The following RNF123 variants were observed in gnomAD, a reference collection of about 807,000 sequenced individuals.
RNF123 encodes the protein E3 ubiquitin-protein ligase RNF123.
Under a neutral mutation model 168.5 loss-of-function variants are expected in RNF123, and 86 were observed. The observed-to-expected ratio is 0.51, with a 90% CI of 0.43 to 0.61. The LOEUF is 0.61. RNF123 is among the 20% of genes least tolerant of loss of function. RNF123 has a pLI of 0.00. For synonymous variants in RNF123, 666 were observed against 689.1 expected (o/e 0.97, Z 0.52); for missense variants, 1,419 against 1,729.7 (o/e 0.82, Z 3.19).
chr3:49,704,659 C>T lies in RNF123; in HGVS notation c.1862C>T (p.Ala621Val), dbSNP rs1253808128. The T allele has an allele frequency of 6.2e-7, 1 of 1,609,484 alleles. No homozygotes were observed. The highest frequency in any genetic ancestry group is 8.5e-7 in the Non-Finnish European group (1 of 1,177,968). Residue 621 changes from alanine (A) to valine (V), a missense_variant, in exon 22 of 39, where the codon GCT becomes GTT. Ala to Val is a moderately conservative substitution (Grantham distance 64). Transcript: ENST00000327697. ...CTGCTCTTCCTCCCAGATGACCTTG[C>T]TTCCAAAGCCAACATTGTGATCGAC... is the stretch of plus-strand genomic sequence containing the variant. ...HLRKTLKDDL[A>V]SKANIVIDPL...
intron 3 of RNF123, among the ~76,000 whole-genome samples, chr3:49,695,506 T>G (rs2054251285): frequency 6.6e-6 from 1 of 152,200 alleles, no homozygotes; most frequent in South Asian, 2.1e-4. Context: ...CCCGACTGCA[T>G]AGCCACCACC....
rs768970044 is a variant in RNF123 at position 49,712,581 on chromosome 3, C to T, written c.2599C>T (p.Leu867=). The T allele has an allele frequency of 6.2e-7, 1 of 1,614,096 alleles. No individual in the cohort carries two copies. Residue 867 remains leucine (L), a synonymous_variant, in exon 27 of 39, where the codon CTG becomes TTG. Transcript: ENST00000327697. The part of the protein sequence containing the change: ...SLFAFMPEFY[L]SVAINSYSAL... ...CTTTGCCTTCATGCCCGAGTTCTACCTGAGCGTGGCCATCAACAGCTACAG... is the reference window on the plus strand; with the variant it reads ...CTTTGCCTTCATGCCCGAGTTCTACTTGAGCGTGGCCATCAACAGCTACAG...
rs1400398552 is a variant in RNF123, at chr3:49,701,609, G to T, written c.1395+1G>T. 6.2e-7 allele frequency: 1 copy of T among 1,611,142 alleles called. No individual in the cohort carries two copies. ...GTGGCCCCACTGCTCCAGTAGGGAG[G>T]TGAGTGCACCCCAAGTGGGATGGGC... is the stretch of plus-strand genomic sequence containing the variant. On this transcript the variant is annotated splice_donor_variant, in intron 16 of 38. Transcript: ENST00000327697. LOFTEE classifies it high-confidence loss of function.
In RNF123 at chr3:49,706,901, G is replaced by A. The variant is rs1430041583; in HGVS notation, c.2496+3G>A. The A allele has an allele frequency of 1.2e-6, 2 of 1,612,844 alleles. No individual in the cohort carries two copies. On this transcript the variant is annotated splice_donor_region_variant and intron_variant, in intron 26 of 38. Transcript: ENST00000327697. ...TCCATGCCACTGTCTACTCCCAGGT[G>A]TGCTGGTATTGCAGCTGCCCCTTCC...
chr3:49,700,048 GTGGGGCAATGGCCTTCT>G (rs2054347183), intron 12 of RNF123, 162 bp from the exon 13 acceptor site: 1 of 837,602 alleles, frequency 1.2e-6, no homozygotes, highest in African/African-American at 1.7e-5. Flanking sequence ...TAGAGGAGCC[GTGGGGCAATGGCCTTCT>G]TGTCCCTCAG....
chr3:49,713,046 C>T (rs1575536839), intron 27 of RNF123: 6 of 653,082 alleles, frequency 9.2e-6, no homozygotes, highest in Non-Finnish European at 1.4e-5. Flanking sequence ...TGGTAAATCA[C>T]AGCAGGGGGT....
In RNF123 at chr3:49,701,548, G is replaced by T. The variant is rs745623017; in HGVS notation, c.1335G>T (p.Glu445Asp). Residue 445 changes from glutamate (E) to aspartate (D), a missense_variant, in exon 16 of 39, where the codon GAG (glutamate) becomes GAT (aspartate). Coordinates refer to ENST00000327697, the MANE Select transcript of RNF123 (RefSeq NM_022064.5). Reference sequence around the variant, plus strand: ...ACATCAAGAGCCCCCTGCGTGTGGAGGAGGCCGGCCTGCAGGAGCTCATTC... The same window carrying T: ...ACATCAAGAGCCCCCTGCGTGTGGATGAGGCCGGCCTGCAGGAGCTCATTC... ...FFYIKSPLRVEEAGLQELIPT... is the reference protein window; with the variant it reads ...FFYIKSPLRVDEAGLQELIPT... 11 of 1,613,704 alleles carry T rather than the reference G, an allele frequency of 6.8e-6. No individual in the cohort carries two copies. In the East Asian group the frequency reaches 2.2e-4, roughly 33 times the overall value.
Position 49,705,535 on chromosome 3 carries a change from T to C in RNF123, c.2160T>C (p.Ile720=), listed in dbSNP as rs967485182. 7 of 1,590,210 alleles carry C rather than the reference T, an allele frequency of 4.4e-6. No homozygotes were observed. Among genetic ancestry groups the C allele is most frequent in the Non-Finnish European group, 6.0e-6 (7 of 1,168,872 alleles). Residue 720 remains isoleucine, a splice_region_variant and synonymous_variant, in exon 24 of 39, where the codon ATT becomes ATC. Transcript: ENST00000327697. The part of the protein sequence containing the change: ...LSVEQRTRED[I]EGSHWNEGLL... ...ACCCTTCCCTCCCCAACTCCCCAGTTGAAGGCAGCCACTGGAATGAGGGCT... is the reference window on the plus strand; with the variant it reads ...ACCCTTCCCTCCCCAACTCCCCAGTCGAAGGCAGCCACTGGAATGAGGGCT...
chr3:49,717,551 G>T, intron 35 of RNF123: 1 of 243,558 alleles, frequency 4.1e-6, no homozygotes, highest in South Asian at 5.4e-5. Context: ...AGCCCCTGAG[G>T]GTGGACGGGA....
At chr3:49,705,462 C>T (rs2108189536) in intron 23 of RNF123, 72 bp from the exon 24 acceptor site, 1 of 1,523,268 alleles carries the variant, frequency 6.6e-7, no homozygotes, top group African/African-American at 1.4e-5. Flanking sequence ...ATGATTTCCT[C>T]TCCTGCTGTG....
rs1447613124 is a variant in RNF123, at chr3:49,698,048, C to T, written c.398-4C>T. On this transcript the variant is annotated splice_region_variant and splice_polypyrimidine_tract_variant and intron_variant, in intron 6 of 38. Coordinates refer to ENST00000327697, the MANE Select transcript of RNF123 (RefSeq NM_022064.5). ...CCTCGTGGCCCTAACTCAGCTCTTT[C>T]CAGGGAAATGGCTCTACGAGGTCCT... 6.2e-7 allele frequency: 1 copy of T among 1,614,040 alleles called. No homozygotes were observed. The highest frequency in any genetic ancestry group is 8.5e-7 in the Non-Finnish European group (1 of 1,179,948).
Position 49,704,669 on chromosome 3 carries a change from CA to C in RNF123, c.1874del (p.Asn625ThrfsTer3). Reference sequence around the variant, plus strand: ...TCCCAGATGACCTTGCTTCCAAAGCCAACATTGTGATCGACCCACTGGAGCT... The same window carrying C: ...TCCCAGATGACCTTGCTTCCAAAGCCACATTGTGATCGACCCACTGGAGCT... ...TLKDDLASKANIVIDPLELQS... is the reference protein window; with the variant it reads ...TLKDDLASKAXIVIDPLELQS... On this transcript the variant is annotated frameshift_variant, in exon 22 of 39. Transcript: ENST00000327697. LOFTEE classifies it high-confidence loss of function. 1 of 1,609,942 alleles carries C rather than the reference CA, an allele frequency of 6.2e-7. No homozygotes were observed. Among genetic ancestry groups the C allele is most frequent in the South Asian group, 1.1e-5 (1 of 90,186 alleles).
chr3:49,700,211 C>G lies in RNF123; in HGVS notation c.985-16C>G. On this transcript the variant is annotated splice_polypyrimidine_tract_variant and intron_variant, in intron 12 of 38. Transcript: ENST00000327697. The stretch of plus-strand genomic sequence containing the variant: ...GTGGAAGGCCACCACCTCACCAGTG[C>G]CTGGCCTTGGTGCAGCGCAAGGTGT... 6.2e-7 allele frequency: 1 copy of G among 1,613,794 alleles called. No individual in the cohort carries two copies. Among genetic ancestry groups the G allele is most frequent in the South Asian group, 1.1e-5 (1 of 91,042 alleles).
At chr3:49,701,790 C>A in intron 16 of RNF123, 21 bp from the exon 17 acceptor site, 1 of 1,560,312 alleles carries the variant, frequency 6.4e-7, no homozygotes, top group African/African-American at 1.3e-5. Context: ...CTGCTGTATT[C>A]CACCTGCTAC....
chr3:49,697,870 C>T lies in RNF123; in HGVS notation c.343-15C>T, dbSNP rs756485274. The T allele has an allele frequency of 2.5e-6, 4 of 1,614,166 alleles. No individual in the cohort carries two copies. The highest frequency in any genetic ancestry group is 2.2e-5 in the East Asian group (1 of 44,890). On this transcript the variant is annotated splice_polypyrimidine_tract_variant and intron_variant, in intron 5 of 38. Transcript: ENST00000327697. Reference sequence around the variant, plus strand: ...GTGCCTGGGAGCTAGCCCACCACCCCTCTTCTTCACCCAGGTGATTGGACA... The same window carrying T: ...GTGCCTGGGAGCTAGCCCACCACCCTTCTTCTTCACCCAGGTGATTGGACA...
In RNF123 at chr3:49,691,072, G is replaced by A. The variant is rs191284657; in HGVS notation, c.-36-58G>A. The A allele has an allele frequency of 1.9e-3, 1,959 of 1,024,086 alleles. 17 individuals are homozygous for A. The highest frequency in any genetic ancestry group is 5.3e-3 in the East Asian group (221 of 41,726). The allele number at this position is 1,024,086 out of a possible 1,614,324, so 63.4% of individuals were successfully genotyped here. ...AGCCTTCCTGCCATGGCAGGACTGAGGTCAGGTGTGGGGGCCCCTGGCTGG... is the reference window on the plus strand; with the variant it reads ...AGCCTTCCTGCCATGGCAGGACTGAAGTCAGGTGTGGGGGCCCCTGGCTGG... On this transcript the variant is annotated intron_variant, in intron 1 of 38. Transcript: ENST00000327697.
chr3:49,708,999 A>G (rs1161196911), intron 26 of RNF123, among the ~76,000 whole-genome samples: 2 of 151,834 alleles, frequency 1.3e-5, no homozygotes, highest in East Asian at 3.8e-4. Flanking sequence ...ATGGAGTCTC[A>G]CTCTGTCACC....
At position 49,703,543 on chromosome 3, in the gene RNF123, G is replaced by A. The variant is rs1434022151; in HGVS notation, c.1852+15G>A. ...GACCCTCAAAGGTGTGTACAGGCCT[G>A]TGGGCCGGGAGCAGTTCTGGGGCCA... On this transcript the variant is annotated intron_variant, in intron 21 of 38. Coordinates refer to ENST00000327697, the MANE Select transcript of RNF123 (RefSeq NM_022064.5). 1.9e-6 allele frequency: 3 copies of A among 1,607,270 alleles called. No individual in the cohort carries two copies. Among genetic ancestry groups the A allele is most frequent in the East Asian group, 2.2e-5 (1 of 44,724 alleles).
chr3:49,714,301 C>A lies in RNF123; in HGVS notation c.3010+127C>A, dbSNP rs2080199450. ...GGTTCCCCCATTGGGTCCCAGACTC[C>A]CTACGTGTCCCCTGGGGTTTCCACT... On this transcript the variant is annotated intron_variant, in intron 31 of 38. Coordinates refer to ENST00000327697, the MANE Select transcript of RNF123 (RefSeq NM_022064.5). The A allele has an allele frequency of 5.0e-6, 4 of 799,652 alleles. No homozygotes were observed. In the East Asian group the frequency reaches 1.1e-4, roughly 21 times the overall value. 49.5% of individuals were successfully genotyped at this position (799,652 alleles called of 1,614,324 possible).
Sources: allele counts gnomAD v4.1 joint callset (sites outside exome capture counted in the v4.1 genomes callset), GRCh38; gene constraint gnomAD v4.1.1; transcripts MANE v1.5; gene names NCBI Gene and HGNC (gene_info 2026-07-23, HGNC 2026-07-21).